Variants in MAGI2 observed in about 807,000 individuals in gnomAD.
MAGI2 encodes the protein membrane-associated guanylate kinase, WW and PDZ domain-containing protein 2.
MAGI2 carries 35 observed loss-of-function variants against 133.3 expected under a neutral mutation model. That is an observed-to-expected ratio of 0.26 (90% CI 0.20 to 0.35). MAGI2 has a LOEUF of 0.35. Ranked by LOEUF, MAGI2 falls within the 10% of genes least tolerant of loss-of-function variation. MAGI2 has a pLI of 1.00. For missense variants in MAGI2, 1,636 were observed against 1,863.4 expected, an observed-to-expected ratio of 0.88 and a Z score of 2.25; for synonymous variants, 729 against 710.6, an observed-to-expected ratio of 1.03 and a Z score of -0.41.
At chr7:78,819,227 C>T (rs541573127) in intron 2 of MAGI2, among the ~76,000 whole-genome samples, 66 of 152,134 alleles carry the variant, frequency 4.3e-4, no homozygotes, top group African/African-American at 1.5e-3. Context: ...ACAAAGTGTT[C>T]CTTTCATAAG....
At chr7:78,224,898 C>T (rs183345031) in intron 10 of MAGI2, among the ~76,000 whole-genome samples, 1 of 152,168 alleles carries the variant, frequency 6.6e-6, no homozygotes, top group Non-Finnish European at 1.5e-5. Flanking sequence ...CTGGGCATTC[C>T]TCCATGTTCT....
chr7:78,368,134 C>G (rs73367631), intron 7 of MAGI2, among the ~76,000 whole-genome samples: 3 of 152,222 alleles, frequency 2.0e-5, no homozygotes, highest in Non-Finnish European at 4.4e-5. Flanking sequence ...AAGACAAGTG[C>G]TCCTGAGGGA....
chr7:78,491,419 G>A (rs960504763), intron 5 of MAGI2, among the ~76,000 whole-genome samples: 1 of 152,036 alleles, frequency 6.6e-6, no homozygotes, highest in Non-Finnish European at 1.5e-5. Context: ...TGAAGAAGAC[G>A]CCATTTTATT....
At chr7:78,690,345 T>G (rs1816824266) in intron 2 of MAGI2, among the ~76,000 whole-genome samples, 1 of 152,232 alleles carries the variant, frequency 6.6e-6, no homozygotes, top group African/African-American at 2.4e-5. Flanking sequence ...TAATACCATG[T>G]ATGTTTCACA....
chr7:79,399,095 C>CTTTCTTT (rs1554471826), intron 1 of MAGI2, among the ~76,000 whole-genome samples: 1 of 106,300 alleles, frequency 9.4e-6, no homozygotes, highest in African/African-American at 4.0e-5. Flanking sequence ...TTTTTCTTTT[C>CTTTCTTT]TTTTTTTTTT....
At chr7:78,522,675 C>G (rs543220051) in intron 3 of MAGI2, among the ~76,000 whole-genome samples, 3 of 152,308 alleles carry the variant, frequency 2.0e-5, no homozygotes, top group Admixed American at 6.5e-5. Flanking sequence ...CCACTGCATG[C>G]GGCTGTGAAC....
chr7:78,941,967 C>T (rs529474312), intron 2 of MAGI2, among the ~76,000 whole-genome samples: 1 of 152,240 alleles, frequency 6.6e-6, no homozygotes, highest in South Asian at 2.1e-4. Context: ...CCAAACCAGA[C>T]TTGCCTATTA....
intron 1 of MAGI2, among the ~76,000 whole-genome samples, chr7:79,261,643 C>T (rs1199854850): frequency 6.6e-6 from 1 of 152,128 alleles, no homozygotes; most frequent in Non-Finnish European, 1.5e-5. Context: ...CTCTATTCCC[C>T]TCCATTGCTT....
At chr7:78,328,529 A>ACACACACACC (rs1408831333) in intron 9 of MAGI2, among the ~76,000 whole-genome samples, 3 of 99,774 alleles carry the variant, frequency 3.0e-5, no homozygotes, top group African/African-American at 1.1e-4. Flanking sequence ...ACACACACAC[A>ACACACACACC]CCCCTCTCTC....
At chr7:79,295,049 G>A (rs973069969) in intron 1 of MAGI2, among the ~76,000 whole-genome samples, 3 of 152,044 alleles carry the variant, frequency 2.0e-5, no homozygotes, top group East Asian at 1.9e-4. Flanking sequence ...TATTGTGGTA[G>A]TTCTTTTAGT....
At chr7:79,156,557 C>A (rs1823801661) in intron 1 of MAGI2, among the ~76,000 whole-genome samples, 1 of 152,094 alleles carries the variant, frequency 6.6e-6, no homozygotes, top group Non-Finnish European at 1.5e-5. Flanking sequence ...ACAAACTCAA[C>A]CAATTGTCAA....
chr7:78,480,611 T>G (rs1792262493), intron 6 of MAGI2, among the ~76,000 whole-genome samples: 1 of 151,916 alleles, frequency 6.6e-6, no homozygotes, highest in South Asian at 2.1e-4. Flanking sequence ...ATCTACCATG[T>G]CAACAGCTTA....
chr7:78,781,223 C>T (rs1826367626), intron 2 of MAGI2, among the ~76,000 whole-genome samples: 1 of 151,608 alleles, frequency 6.6e-6, no homozygotes, highest in Non-Finnish European at 1.5e-5. Context: ...CTAAAAAATA[C>T]AAAAAATTAG....
intron 1 of MAGI2, among the ~76,000 whole-genome samples, chr7:79,089,036 T>A (rs1395263471): frequency 2.0e-5 from 3 of 151,702 alleles, no homozygotes; most frequent in East Asian, 1.9e-4. Context: ...GAGAAAAAAA[T>A]TTTCCAATCT....
At chr7:78,061,381 A>G (rs1422586307) in intron 21 of MAGI2, among the ~76,000 whole-genome samples, 1 of 150,186 alleles carries the variant, frequency 6.7e-6, no homozygotes, top group Non-Finnish European at 1.5e-5. Context: ...GAAATGAAAG[A>G]AGTATGCTCA....
intron 2 of MAGI2, among the ~76,000 whole-genome samples, chr7:78,825,685 G>A (rs1040102986): frequency 6.6e-6 from 1 of 152,142 alleles, no homozygotes; most frequent in Non-Finnish European, 1.5e-5. Context: ...GTGGGAAAGT[G>A]AAAGTCTCCT....
intron 1 of MAGI2, among the ~76,000 whole-genome samples, chr7:79,271,594 G>A (rs915578056): frequency 6.6e-6 from 1 of 151,100 alleles, no homozygotes; most frequent in African/African-American, 2.4e-5. Flanking sequence ...AAATGTGGGT[G>A]ATTTATTTTC....
chr7:78,877,669 G>GGGGCAAC (rs1795534352), intron 2 of MAGI2, among the ~76,000 whole-genome samples: 1 of 152,092 alleles, frequency 6.6e-6, no homozygotes. Context: ...ATGGTTGGCT[G>GGGGCAAC]AGCTGTCAGA....
chr7:78,034,288 G>T (rs947343592), intron 21 of MAGI2, among the ~76,000 whole-genome samples: 1 of 152,150 alleles, frequency 6.6e-6, no homozygotes, highest in Non-Finnish European at 1.5e-5. Context: ...AAGACGAAAG[G>T]TGCTACAGAA....
Sources: gnomAD v4.1 joint callset for allele counts (sites outside exome capture counted in the v4.1 genomes callset) on GRCh38, gnomAD v4.1.1 for gene constraint, MANE v1.5 for transcripts, NCBI Gene and HGNC (gene_info 2026-07-23, HGNC 2026-07-21) for gene names.